The following EML6 variants were observed in gnomAD, a reference collection of about 807,000 sequenced individuals.
The protein encoded by EML6 is EMAP like 6.
Under a neutral mutation model 240.1 loss-of-function variants are expected in EML6, and 154 were observed. The ratio of observed to expected loss-of-function variants is 0.64; its 90% CI spans 0.56 to 0.73. EML6 has a LOEUF of 0.73. Among genes scored for constraint, EML6 ranks in the 30% least tolerant of loss-of-function variants. The probability of loss-of-function intolerance (pLI) is 0.00; values close to 1 mark genes in which losing one functional copy is unlikely to be tolerated. For synonymous variants in EML6, 1,148 were observed against 899.0 expected (o/e 1.28, Z -4.95); for missense variants, 2,964 against 2,474.6 (o/e 1.20, Z -4.20).
intron 7 of EML6, among the ~76,000 whole-genome samples, chr2:54,830,090 C>T (rs1008131517): frequency 9.9e-5 from 15 of 152,158 alleles, no homozygotes; most frequent in Non-Finnish European, 1.9e-4. Flanking sequence ...ACTTGCAAAG[C>T]GCACTTAGCA....
chr2:54,955,339 G>T (rs1371754427), intron 32 of EML6, among the ~76,000 whole-genome samples: 1 of 152,080 alleles, frequency 6.6e-6, no homozygotes, highest in Non-Finnish European at 1.5e-5. Flanking sequence ...CTGCAGTTAG[G>T]ACCCATCCTA....
intron 2 of EML6, among the ~76,000 whole-genome samples, chr2:54,779,021 C>T (rs1377865825): frequency 1.3e-5 from 2 of 152,092 alleles, no homozygotes; most frequent in Admixed American, 1.3e-4. Context: ...TACACTTTCA[C>T]CTGAGAAATG....
chr2:54,860,665 C>A (rs1670626097), intron 12 of EML6, among the ~76,000 whole-genome samples: 1 of 152,182 alleles, frequency 6.6e-6, no homozygotes, highest in Admixed American at 6.5e-5. Flanking sequence ...CCTAAACCTC[C>A]CACTTCGGGG....
chr2:54,920,060 T>C (rs1207004535), intron 26 of EML6, among the ~76,000 whole-genome samples: 1 of 152,132 alleles, frequency 6.6e-6, no homozygotes, highest in Non-Finnish European at 1.5e-5. Context: ...AAGTAAACTG[T>C]AGAATTAAGA....
intron 9 of EML6, among the ~76,000 whole-genome samples, chr2:54,848,675 T>C (rs762007113): frequency 2.6e-5 from 4 of 152,218 alleles, no homozygotes; most frequent in African/African-American, 4.8e-5. Flanking sequence ...TTCAGTTTAT[T>C]TGGAGTTGAT....
chr2:54,857,185 G>T (rs375308745), intron 11 of EML6, among the ~76,000 whole-genome samples: 1 of 152,318 alleles, frequency 6.6e-6, no homozygotes, highest in Admixed American at 6.5e-5. Flanking sequence ...TAAGTTAGGG[G>T]CCCGTACTGG....
At chr2:54,806,611 CCAAAAAAAAA>C (rs1670500426) in intron 2 of EML6, among the ~76,000 whole-genome samples, 1 of 31,500 alleles carries the variant, frequency 3.2e-5, no homozygotes, top group South Asian at 1.8e-3. Flanking sequence ...GACTCCGTCT[CCAAAAAAAAA>C]AAAAAAAAAA....
At chr2:54,967,282 T>G (rs1676789806) in intron 39 of EML6, 179 bp downstream of exon 39, 1 of 480,530 alleles carries the variant, frequency 2.1e-6, no homozygotes, top group Non-Finnish European at 3.8e-6. Context: ...CTGGCTTTGA[T>G]CTGACCTAGG....
Position 54,724,934 on chromosome 2 carries a change from T to A in EML6, c.-128T>A. The A allele has an allele frequency of 1.4e-6, 1 of 693,386 alleles. No individual in the cohort carries two copies. The highest frequency in any genetic ancestry group is 2.0e-6 in the Non-Finnish European group (1 of 509,856). The allele number at this position is 693,386 out of a possible 1,614,324, so 43.0% of individuals were successfully genotyped here. A position where few individuals can be genotyped will look rare whatever the true frequency, so the allele number is the denominator to read the frequency against. On this transcript the variant is annotated 5_prime_UTR_variant, in exon 2 of 42. Coordinates refer to ENST00000356458, the MANE Select transcript of EML6 (RefSeq NM_001039753.4). This position sits in a 1 kb window ranked among gnomAD's most constrained non-coding sequence, Gnocchi z 5.2. ...GGCGGCCGGCCCGCTGGGCTGTGCC[T>A]GTGTGTCGCCGCGGAAATCAGCGCC...
chr2:54,967,953 T>G (rs369498261), intron 39 of EML6, among the ~76,000 whole-genome samples, 175 bp from the exon 40 acceptor site: 1 of 152,190 alleles, frequency 6.6e-6, no homozygotes. Flanking sequence ...GCTCACCTCC[T>G]GCCCTGCGGT....
At position 54,907,896 on chromosome 2, in the gene EML6, TAGATTAGA is replaced by T. The variant is rs1225937798; in HGVS notation, c.3410-3057_3410-3050del. On this transcript the variant is annotated intron_variant, in intron 24 of 41. Coordinates refer to ENST00000356458, the MANE Select transcript of EML6 (RefSeq NM_001039753.4). ...AGACAGATAGATTAGATAGATTAGA[TAGATTAGA>T]TAGATAGATAGATAGATAGATAGAT... Among the ~76,000 whole-genome samples the T allele has an allele frequency of 3.6e-4, 47 of 131,068 alleles. 1 individual carries two copies. The highest frequency in any genetic ancestry group is 1.3e-3 in the African/African-American group (45 of 35,228). The allele number at this position is 131,068 out of a possible 152,430, so 86.0% of individuals were successfully genotyped here.
chr2:54,885,804 G>T (rs923974368), intron 17 of EML6, among the ~76,000 whole-genome samples: 1 of 151,872 alleles, frequency 6.6e-6, no homozygotes, highest in East Asian at 2.0e-4. Flanking sequence ...GTAGAGATGG[G>T]GTTTCACCGT....
intron 8 of EML6, among the ~76,000 whole-genome samples, chr2:54,846,934 T>G (rs1456699958): frequency 6.6e-6 from 1 of 150,768 alleles, no homozygotes; most frequent in African/African-American, 2.4e-5. Context: ...TTTTTTTTTT[T>G]TTGGAGACAG....
At chr2:54,902,886 T>C (rs1426544759) in intron 22 of EML6, among the ~76,000 whole-genome samples, 158 bp from the exon 23 acceptor site, 2 of 152,244 alleles carry the variant, frequency 1.3e-5, no homozygotes, top group African/African-American at 4.8e-5. Context: ...AGAGGTGTCT[T>C]AAATTAGGAA....
intron 17 of EML6, among the ~76,000 whole-genome samples, chr2:54,884,673 A>G (rs942433656): frequency 6.6e-6 from 1 of 152,262 alleles, no homozygotes; most frequent in African/African-American, 2.4e-5. Context: ...TTGTAATATC[A>G]CAATGGCACT....
In EML6 at chr2:54,847,600, C is replaced by G; in HGVS notation, c.1164C>G (p.Gly388=). The G allele has an allele frequency of 6.4e-7, 1 of 1,552,274 alleles. No individual in the cohort carries two copies. Residue 388 remains glycine, a synonymous_variant, in exon 9 of 42, where the codon GGC becomes GGG. Coordinates refer to ENST00000356458, the MANE Select transcript of EML6 (RefSeq NM_001039753.4). ...GSQLALGMKD[G]SFIVLRVRDM... Reference sequence around the variant, plus strand: ...AGCTGGCCCTGGGCATGAAGGACGGCTCTTTCATTGTTCTCCGAGTCAGGC... The same window carrying G: ...AGCTGGCCCTGGGCATGAAGGACGGGTCTTTCATTGTTCTCCGAGTCAGGC...
Position 54,891,159 on chromosome 2 carries a change from T to C in EML6, c.2539+5T>C. On this transcript the variant is annotated splice_donor_5th_base_variant and intron_variant, in intron 18 of 41. Transcript: ENST00000356458. ...TCAAATTCTGGCAACAAGCAGGTAC[T>C]GTCGTTTGGGTTTATCATTTATGTG... The C allele has an allele frequency of 1.4e-6, 2 of 1,423,986 alleles. No individual in the cohort carries two copies. Among genetic ancestry groups the C allele is most frequent in the Non-Finnish European group, 1.9e-6 (2 of 1,047,614 alleles). 88.2% of individuals were successfully genotyped at this position (1,423,986 alleles called of 1,614,324 possible).
chr2:54,906,663 C>G (rs904439453), intron 24 of EML6, among the ~76,000 whole-genome samples: 28 of 152,264 alleles, frequency 1.8e-4, no homozygotes, highest in Non-Finnish European at 3.8e-4. Flanking sequence ...AGAGACACTT[C>G]TGATTTTTAG....
intron 5 of EML6, among the ~76,000 whole-genome samples, chr2:54,821,767 C>A (rs1668346204): frequency 6.6e-6 from 1 of 151,964 alleles, no homozygotes; most frequent in South Asian, 2.1e-4. Context: ...ACAAATTTAT[C>A]AATTTTTTAG....
Sources: allele counts gnomAD v4.1 joint callset (sites outside exome capture counted in the v4.1 genomes callset), GRCh38; gene constraint gnomAD v4.1.1; non-coding constraint Gnocchi (gnomAD v3.1); transcripts MANE v1.5; gene names NCBI Gene and HGNC (gene_info 2026-07-23, HGNC 2026-07-21).